The following NPAS3 variants were observed in gnomAD, a reference collection of about 807,000 sequenced individuals.
NPAS3 encodes the protein neuronal PAS domain-containing protein 3.
NPAS3 carries 14 observed loss-of-function variants against 73.1 expected under a neutral mutation model. That is an observed-to-expected ratio of 0.19 (90% CI 0.13 to 0.30). NPAS3 has a LOEUF of 0.30. Among genes scored for constraint, NPAS3 ranks in the 10% least tolerant of loss-of-function variants. NPAS3 has a pLI of 1.00. For missense variants in NPAS3, 1,096 were observed against 1,250.0 expected (o/e 0.88, Z 1.86); for synonymous variants, 620 against 541.5 (o/e 1.14, Z -2.01).
At chr14:33,721,252 T>C (rs1466835679) in intron 6 of NPAS3, among the ~76,000 whole-genome samples, 1 of 152,170 alleles carries the variant, frequency 6.6e-6, no homozygotes, top group Non-Finnish European at 1.5e-5. Context: ...ACTGCTATCT[T>C]ACCTGGTCGG....
intron 7 of NPAS3, among the ~76,000 whole-genome samples, chr14:33,760,608 T>G (rs962668177): frequency 1.3e-5 from 2 of 151,988 alleles, no homozygotes; most frequent in African/African-American, 4.8e-5. Flanking sequence ...CCTTCTAAAG[T>G]GTTATGGAAA....
At chr14:33,133,998 G>A (rs146486831) in intron 2 of NPAS3, among the ~76,000 whole-genome samples, 3,203 of 152,194 alleles carry the variant, frequency 0.021, 59 homozygotes, top group Middle Eastern at 0.041. Flanking sequence ...TGCAACTGAG[G>A]GGCTAGCACA....
intron 11 of NPAS3, among the ~76,000 whole-genome samples, chr14:33,799,091 G>A (rs2063602651): frequency 6.6e-6 from 1 of 152,114 alleles, no homozygotes; most frequent in Non-Finnish European, 1.5e-5. Flanking sequence ...GTTGCAGTGA[G>A]CAGTGACCAC....
intron 3 of NPAS3, among the ~76,000 whole-genome samples, chr14:33,296,409 G>T (rs1189456890): frequency 6.6e-6 from 1 of 152,154 alleles, no homozygotes; most frequent in Non-Finnish European, 1.5e-5. Flanking sequence ...GTTTTCTTTT[G>T]TAAGTTCAGA....
chr14:33,753,451 G>A (rs183478180), intron 7 of NPAS3, among the ~76,000 whole-genome samples: 1 of 151,882 alleles, frequency 6.6e-6, no homozygotes, highest in East Asian at 1.9e-4. Context: ...TTGTGCGGCA[G>A]GGCATTTATT....
intron 1 of NPAS3, among the ~76,000 whole-genome samples, chr14:32,999,504 CT>C (rs2038723964): frequency 7.1e-6 from 1 of 140,470 alleles, no homozygotes; most frequent in South Asian, 2.2e-4. Context: ...GTATGAGATT[CT>C]ATCTCAAAAA....
At chr14:33,693,451 A>G (rs1284064678) in intron 6 of NPAS3, among the ~76,000 whole-genome samples, 3 of 152,184 alleles carry the variant, frequency 2.0e-5, no homozygotes, top group African/African-American at 7.2e-5. Flanking sequence ...ACTCACATCT[A>G]GAGACTGTGT....
intron 4 of NPAS3, among the ~76,000 whole-genome samples, chr14:33,447,416 G>T (rs1487839676): frequency 6.6e-6 from 1 of 152,192 alleles, no homozygotes; most frequent in Non-Finnish European, 1.5e-5. Context: ...AGGAGGTAGG[G>T]AGAAGAGTGC....
At chr14:33,286,985 A>C (rs1594602820) in intron 3 of NPAS3, among the ~76,000 whole-genome samples, 1 of 152,320 alleles carries the variant, frequency 6.6e-6, no homozygotes, top group East Asian at 1.9e-4. Flanking sequence ...GTCATCCAAA[A>C]GATACATGGT....
At chr14:32,992,603 G>T (rs533732075) in intron 1 of NPAS3, among the ~76,000 whole-genome samples, 1 of 152,138 alleles carries the variant, frequency 6.6e-6, no homozygotes, top group East Asian at 1.9e-4. Flanking sequence ...AAGTGTAGGA[G>T]AAAGTAAGTA....
At chr14:33,174,268 A>G (rs1384507759) in intron 2 of NPAS3, among the ~76,000 whole-genome samples, 1 of 152,194 alleles carries the variant, frequency 6.6e-6, no homozygotes, top group Non-Finnish European at 1.5e-5. Flanking sequence ...AAAGAATCAC[A>G]GGACTACTGA....
At chr14:33,301,324 T>TATATACA (rs56204986) in intron 3 of NPAS3, among the ~76,000 whole-genome samples, 1 of 75,648 alleles carries the variant, frequency 1.3e-5, no homozygotes. Context: ...ATATATATAT[T>TATATACA]TTTTTTTTTT....
intron 4 of NPAS3, among the ~76,000 whole-genome samples, chr14:33,476,048 C>A (rs1212155057): frequency 6.6e-6 from 1 of 152,186 alleles, no homozygotes; most frequent in Admixed American, 6.5e-5. Flanking sequence ...GCCTTACAGA[C>A]TCCCTAAAAG....
chr14:33,201,446 G>A (rs2046613273), intron 2 of NPAS3, among the ~76,000 whole-genome samples: 1 of 152,198 alleles, frequency 6.6e-6, no homozygotes, highest in Non-Finnish European at 1.5e-5. Flanking sequence ...GTTTTCAGAA[G>A]TGAAGCTAAA....
chr14:33,461,106 C>T (rs2139498372), intron 4 of NPAS3, among the ~76,000 whole-genome samples: 1 of 152,298 alleles, frequency 6.6e-6, no homozygotes, highest in African/African-American at 2.4e-5. Context: ...AGCCTGACTC[C>T]TGCCATTTAT....
chr14:33,294,062 AAC>A (rs2042200172), intron 3 of NPAS3, among the ~76,000 whole-genome samples: 1 of 152,172 alleles, frequency 6.6e-6, no homozygotes, highest in South Asian at 2.1e-4. Context: ...CCATGAGAAA[AAC>A]ACAAATTTTG....
At chr14:33,703,599 A>T (rs1015572843) in intron 6 of NPAS3, among the ~76,000 whole-genome samples, 12 of 152,056 alleles carry the variant, frequency 7.9e-5, no homozygotes, top group Non-Finnish European at 1.5e-4. Flanking sequence ...CTGGTTTTAA[A>T]TTTTAATGTT....
chr14:33,375,174 A>T (rs760338580), intron 4 of NPAS3, among the ~76,000 whole-genome samples: 11 of 152,172 alleles, frequency 7.2e-5, no homozygotes, highest in Non-Finnish European at 1.5e-4. Context: ...TAGCTGTGAG[A>T]GAGGAAGGGG....
chr14:33,507,083 ATGT>A (rs2052801288), intron 4 of NPAS3, among the ~76,000 whole-genome samples: 1 of 152,142 alleles, frequency 6.6e-6, no homozygotes, highest in Non-Finnish European at 1.5e-5. Flanking sequence ...AACACATGAA[ATGT>A]TGTGGGTGAT....
Sources: gnomAD v4.1 joint callset for allele counts (sites outside exome capture counted in the v4.1 genomes callset) on GRCh38, gnomAD v4.1.1 for gene constraint, MANE v1.5 for transcripts, NCBI Gene and HGNC (gene_info 2026-07-23, HGNC 2026-07-21) for gene names.